MACO1: variants seen among roughly 807,000 people sequenced by gnomAD.
The protein encoded by MACO1 is macoilin.
A neutral mutation model predicts 78.7 loss-of-function variants in MACO1; 14 were observed. That is an observed-to-expected ratio of 0.18 (90% CI 0.12 to 0.28). The LOEUF (loss-of-function observed/expected upper bound fraction) is 0.28, where lower values mean the gene tolerates loss of function less well. Among genes scored for constraint, MACO1 ranks in the 10% least tolerant of loss-of-function variants. MACO1 has a pLI of 1.00. For missense variants in MACO1, 501 were observed against 799.0 expected (o/e 0.63, Z 4.50); for synonymous variants, 288 against 291.6 (o/e 0.99, Z 0.12).
intron 6 of MACO1, among the ~76,000 whole-genome samples, chr1:25,462,583 G>A (rs2043181100): frequency 6.6e-6 from 1 of 152,252 alleles, no homozygotes; most frequent in Non-Finnish European, 1.5e-5. Context: ...TAACTAACCA[G>A]TAACTCTACT....
intron 6 of MACO1, among the ~76,000 whole-genome samples, chr1:25,474,464 A>G (rs569010253): frequency 4.6e-5 from 7 of 152,288 alleles, no homozygotes; most frequent in South Asian, 2.1e-4. Context: ...AATCTGCCAT[A>G]TATTAATGGG....
chr1:25,459,077 G>GCTGAACATTATT (rs1343375305), intron 6 of MACO1, among the ~76,000 whole-genome samples, 185 bp downstream of exon 6: 1 of 152,176 alleles, frequency 6.6e-6, no homozygotes, highest in Non-Finnish European at 1.5e-5. Flanking sequence ...TCAGCTCTTT[G>GCTGAACATTATT]CAGTGTTCTG....
At chr1:25,437,298 C>CTTTTTTTT (rs1173305681) in intron 1 of MACO1, among the ~76,000 whole-genome samples, 76 of 65,808 alleles carry the variant, frequency 1.2e-3, no homozygotes, top group Non-Finnish European at 1.7e-3. Flanking sequence ...CCATGCCTGG[C>CTTTTTTTT]TTTTTTTTTT....
At chr1:25,454,518 C>T (rs1480984634) in intron 4 of MACO1, 136 bp downstream of exon 4, 1 of 184,772 alleles carries the variant, frequency 5.4e-6, no homozygotes, top group Non-Finnish European at 9.5e-6. Flanking sequence ...GAGTCTTGCT[C>T]TGTCACCCAG....
intron 6 of MACO1, among the ~76,000 whole-genome samples, chr1:25,473,976 T>TC (rs1274958663): frequency 1.3e-5 from 2 of 152,002 alleles, no homozygotes; most frequent in African/African-American, 2.4e-5. Flanking sequence ...GGACCATTAC[T>TC]CCCCCCACAC....
intron 6 of MACO1, among the ~76,000 whole-genome samples, chr1:25,463,669 C>G (rs537332143): frequency 2.6e-5 from 4 of 152,048 alleles, no homozygotes; most frequent in Non-Finnish European, 5.9e-5. Context: ...AAAATTTTTC[C>G]TCAGTGGTCA....
chr1:25,481,706 G>A (rs546242674), intron 6 of MACO1, among the ~76,000 whole-genome samples: 1 of 152,160 alleles, frequency 6.6e-6, no homozygotes, highest in Non-Finnish European at 1.5e-5. Context: ...TATAAATGCC[G>A]ATCTGTAATT....
intron 2 of MACO1, among the ~76,000 whole-genome samples, chr1:25,447,602 C>A (rs1336428747): frequency 6.6e-6 from 1 of 152,224 alleles, no homozygotes; most frequent in Non-Finnish European, 1.5e-5. Flanking sequence ...AAGACACCTA[C>A]ATTCTCATAT....
At chr1:25,454,462 G>GTATATATA (rs1460300897) in intron 4 of MACO1, 80 bp downstream of exon 4, 20 of 191,664 alleles carry the variant, frequency 1.0e-4, no homozygotes, top group South Asian at 4.4e-4. Context: ...GTGTGTGTGT[G>GTATATATA]TGTGTGTGTA....
intron 2 of MACO1, among the ~76,000 whole-genome samples, 192 bp downstream of exon 2, chr1:25,447,095 G>C (rs541569048): frequency 6.6e-6 from 1 of 152,254 alleles, no homozygotes; most frequent in African/African-American, 2.4e-5. Flanking sequence ...CCATTCCAGT[G>C]AAACAGAACA....
At chr1:25,486,738 C>T (rs2043436425) in intron 8 of MACO1, among the ~76,000 whole-genome samples, 1 of 152,178 alleles carries the variant, frequency 6.6e-6, no homozygotes, top group African/African-American at 2.4e-5. Context: ...TAGGAAATAA[C>T]AGCAAGTGAG....
At chr1:25,488,056 T>C (rs1048489801) in intron 8 of MACO1, among the ~76,000 whole-genome samples, 2 of 152,100 alleles carry the variant, frequency 1.3e-5, no homozygotes, top group Non-Finnish European at 2.9e-5. Context: ...TTATTGTATA[T>C]ATGTATGTAT....
At position 25,484,152 on chromosome 1, in the gene MACO1, G is replaced by A. The variant is rs570757847; in HGVS notation, c.1191G>A (p.Leu397=). The A allele has an allele frequency of 3.1e-6, 5 of 1,613,574 alleles. No homozygotes were observed. In the Admixed American group the frequency reaches 6.7e-5, roughly 22 times the overall value. ...EQDIKKLKAD[L]QASRQVEQEL... ...ACATTAAAAAGTTAAAGGCTGACCTGCAAGCCAGCAGACAAGTGGAACAAG... is the reference window on the plus strand; with the variant it reads ...ACATTAAAAAGTTAAAGGCTGACCTACAAGCCAGCAGACAAGTGGAACAAG... Residue 397 remains leucine, a synonymous_variant, in exon 7 of 11, where the codon CTG becomes CTA. Coordinates refer to ENST00000374343, the MANE Select transcript of MACO1 (RefSeq NM_018202.6).
At chr1:25,435,728 C>T (rs546651342) in intron 1 of MACO1, among the ~76,000 whole-genome samples, 1 of 152,326 alleles carries the variant, frequency 6.6e-6, no homozygotes, top group East Asian at 1.9e-4. Context: ...AATCCTGGAC[C>T]TGGCACGAAA....
intron 6 of MACO1, among the ~76,000 whole-genome samples, chr1:25,480,929 A>AAAAAAAAAT (rs1553166539): frequency 1.3e-4 from 6 of 47,902 alleles, no homozygotes; most frequent in Non-Finnish European, 1.7e-4. Context: ...AAAAAAAAAA[A>AAAAAAAAAT]ATATATATAT....
chr1:25,498,179 C>A, intron 10 of MACO1, 85 bp from the exon 11 acceptor site: 1 of 1,403,234 alleles, frequency 7.1e-7, no homozygotes, highest in African/African-American at 1.4e-5. Context: ...CACACTGAAC[C>A]GAATCTACTT....
At chr1:25,483,172 T>C (rs2043395553) in intron 6 of MACO1, among the ~76,000 whole-genome samples, 2 of 152,218 alleles carry the variant, frequency 1.3e-5, no homozygotes, top group Non-Finnish European at 2.9e-5. Flanking sequence ...TGCCTCAGCC[T>C]CCTGAGTAGC....
intron 6 of MACO1, among the ~76,000 whole-genome samples, chr1:25,461,105 G>A (rs1032668263): frequency 3.3e-5 from 5 of 149,878 alleles, no homozygotes; most frequent in African/African-American, 4.9e-5. Flanking sequence ...GCAAACTATC[G>A]CAAGGACAAA....
In MACO1 at chr1:25,485,904, G is replaced by A. The variant is rs529182479; in HGVS notation, c.1496+109G>A. ...GATTGGACGTACAGCAATCATGCAC[G>A]GATGGATTGCTTTTAAGTACTGTTT... On this transcript the variant is annotated intron_variant, in intron 8 of 10. Coordinates refer to ENST00000374343, the MANE Select transcript of MACO1 (RefSeq NM_018202.6). This position sits in a 1 kb window ranked among gnomAD's most constrained non-coding sequence, Gnocchi z 4.3. 11 of 1,195,984 alleles carry A rather than the reference G, an allele frequency of 9.2e-6. No individual in the cohort carries two copies. The Admixed American group carries it at 1.4e-4, about 15-fold the overall frequency. 74.1% of individuals were successfully genotyped at this position (1,195,984 alleles called of 1,614,324 possible).
Sources: allele counts gnomAD v4.1 joint callset (sites outside exome capture counted in the v4.1 genomes callset), GRCh38; gene constraint gnomAD v4.1.1; non-coding constraint Gnocchi (gnomAD v3.1); transcripts MANE v1.5; gene names NCBI Gene and HGNC (gene_info 2026-07-23, HGNC 2026-07-21).